ATP6V1B1: variants seen among roughly 807,000 people sequenced by gnomAD.
ATP6V1B1 encodes V-type proton ATPase subunit B, kidney isoform.
Under a neutral mutation model 62.1 loss-of-function variants are expected in ATP6V1B1, and 41 were observed. The ratio of observed to expected loss-of-function variants is 0.66; its 90% CI spans 0.51 to 0.86. The LOEUF (loss-of-function observed/expected upper bound fraction) is 0.86, where lower values mean the gene tolerates loss of function less well. ATP6V1B1 is among the 40% of genes least tolerant of loss of function. The pLI is 0.00. For synonymous variants in ATP6V1B1, 253 were observed against 273.4 expected (o/e 0.93, Z 0.74); for missense variants, 651 against 697.5 (o/e 0.93, Z 0.75).
At chr2:70,955,063 A>G (rs1680402192) in intron 2 of ATP6V1B1, among the ~76,000 whole-genome samples, 1 of 152,218 alleles carries the variant, frequency 6.6e-6, no homozygotes, top group Non-Finnish European at 1.5e-5. Context: ...GAGCGTGCAC[A>G]GACAGCAGAG....
intron 2 of ATP6V1B1, chr2:70,957,668 T>C (rs377005532): frequency 1.4e-5 from 5 of 346,754 alleles, no homozygotes; most frequent in East Asian, 1.5e-4. Flanking sequence ...ATATGTTATC[T>C]CATTTCCTCC....
chr2:70,959,023 GT>G lies in ATP6V1B1; in HGVS notation c.377del (p.Phe126SerfsTer38). The G allele has an allele frequency of 6.2e-7, 1 of 1,614,126 alleles. No homozygotes were observed. ...CACTCCTCGTCCACCCTCAGGTCGGGTTTTCAATGGCTCCGGCAAGCCCATT... is the reference window on the plus strand; with the variant it reads ...CACTCCTCGTCCACCCTCAGGTCGGGTTTCAATGGCTCCGGCAAGCCCATT... ...TPVSEDMLGR[V>X]FNGSGKPIDK... is the part of the protein sequence containing the mutation. On this transcript the variant is annotated frameshift_variant, in exon 5 of 14. Transcript: ENST00000234396. LOFTEE classifies it high-confidence loss of function. This position sits in a 1 kb window ranked among gnomAD's most constrained non-coding sequence, Gnocchi z 4.2.
At chr2:70,943,473 C>T in intron 1 of ATP6V1B1, 185 bp from the exon 2 acceptor site, 1 of 722,080 alleles carries the variant, frequency 1.4e-6, no homozygotes, top group Non-Finnish European at 2.5e-6. Flanking sequence ...GCAGCAGGGG[C>T]CCTGCGGGCA....
At chr2:70,936,566 C>T (rs1318066294) in intron 1 of ATP6V1B1, among the ~76,000 whole-genome samples, 2 of 151,824 alleles carry the variant, frequency 1.3e-5, no homozygotes, top group South Asian at 2.1e-4. Context: ...GGGTGCATGT[C>T]GTATGTGTGT....
At chr2:70,940,197 TG>T (rs1679958208) in intron 1 of ATP6V1B1, 1 of 216,936 alleles carries the variant, frequency 4.6e-6, no homozygotes, top group Non-Finnish European at 7.9e-6. Flanking sequence ...TCAGGGCTAA[TG>T]GGGATTCTAC....
chr2:70,952,041 A>G (rs1396272350), intron 2 of ATP6V1B1, among the ~76,000 whole-genome samples: 1 of 152,204 alleles, frequency 6.6e-6, no homozygotes, highest in Non-Finnish European at 1.5e-5. Context: ...TCTGTTACTG[A>G]TTTTCATTGG....
At position 70,959,126 on chromosome 2, in the gene ATP6V1B1, G is replaced by C; in HGVS notation, c.445+31G>C. 6.2e-7 allele frequency: 1 copy of C among 1,609,000 alleles called. No homozygotes were observed. Among genetic ancestry groups the C allele is most frequent in the Non-Finnish European group, 8.5e-7 (1 of 1,175,498 alleles). Reference sequence around the variant, plus strand: ...TGACTGGAGGTTCTGGATGGCTTCGGGACCCAGCCCTAACACCTTCCCCAC... The same window carrying C: ...TGACTGGAGGTTCTGGATGGCTTCGCGACCCAGCCCTAACACCTTCCCCAC... On this transcript the variant is annotated intron_variant, in intron 5 of 13. Transcript: ENST00000234396. The surrounding 1 kb of genome is among the most constrained non-coding windows in gnomAD (Gnocchi z 4.2).
At position 70,961,709 on chromosome 2, in the gene ATP6V1B1, T is replaced by G; in HGVS notation, c.785+16T>G. ...ATGACCCCACGTGAGCTTTCCCTGATGCCCAAACTGCCCTCAGGTGGGCAG... is the reference window on the plus strand; with the variant it reads ...ATGACCCCACGTGAGCTTTCCCTGAGGCCCAAACTGCCCTCAGGTGGGCAG... On this transcript the variant is annotated intron_variant, in intron 8 of 13. Coordinates refer to ENST00000234396, the MANE Select transcript of ATP6V1B1 (RefSeq NM_001692.4). 1 of 1,612,432 alleles carries G rather than the reference T, an allele frequency of 6.2e-7. No individual in the cohort carries two copies. The highest frequency in any genetic ancestry group is 8.5e-7 in the Non-Finnish European group (1 of 1,178,440).
intron 4 of ATP6V1B1, 101 bp from the exon 5 acceptor site, chr2:70,958,917 G>A: frequency 1.7e-6 from 2 of 1,161,322 alleles, no homozygotes; most frequent in Admixed American, 1.9e-5. Flanking sequence ...GGGCACTCCT[G>A]TGGGGAGTGG....
chr2:70,958,414 G>A lies in ATP6V1B1; in HGVS notation c.355G>A (p.Glu119Lys), dbSNP rs781825701. The A allele has an allele frequency of 1.2e-6, 2 of 1,613,252 alleles. No homozygotes were observed. The highest frequency in any genetic ancestry group is 1.7e-6 in the Non-Finnish European group (2 of 1,179,404). Residue 119 changes from glutamate (E) to lysine (K), a missense_variant, in exon 4 of 14, where the codon GAG (glutamate) becomes AAG (lysine). Physicochemically the swap from Glu to Lys is moderately conservative, Grantham distance 56. Coordinates refer to ENST00000234396, the MANE Select transcript of ATP6V1B1 (RefSeq NM_001692.4). ...TGDILRTPVS[E>K]DMLGRVFNGS... ...GGACATCCTACGAACTCCGGTGTCA[G>A]AGGACATGCTGGGTGAGGGACAGGG...
Position 70,942,024 on chromosome 2 carries a change from G to A in ATP6V1B1, c.119-1634G>A, listed in dbSNP as rs58400231. 6.0e-3 allele frequency: 6,576 copies of A among 1,090,508 alleles called. 185 individuals carry two copies. The African/African-American group carries it at 0.071, about 12-fold the overall frequency. The allele number at this position is 1,090,508 out of a possible 1,614,324, so 67.6% of individuals were successfully genotyped here. ...AACTGGAGAAGGACTGGGACTGAGC[G>A]AGGTTTATTTTGTACTGGAAACATC... On this transcript the variant is annotated intron_variant, in intron 1 of 13. Coordinates refer to ENST00000234396, the MANE Select transcript of ATP6V1B1 (RefSeq NM_001692.4).
intron 2 of ATP6V1B1, among the ~76,000 whole-genome samples, chr2:70,953,585 G>C (rs1321061875): frequency 6.6e-6 from 1 of 151,916 alleles, no homozygotes; most frequent in African/African-American, 2.4e-5. Flanking sequence ...TTATAACTTG[G>C]TCTTTTTTAT....
At position 70,959,054 on chromosome 2, in the gene ATP6V1B1, AG is replaced by A; in HGVS notation, c.408del (p.Pro137GlnfsTer27). On this transcript the variant is annotated frameshift_variant, in exon 5 of 14. Transcript: ENST00000234396. LOFTEE classifies it high-confidence loss of function. The surrounding 1 kb of genome is among the most constrained non-coding windows in gnomAD (Gnocchi z 4.2). Reference sequence around the variant, plus strand: ...AATGGCTCCGGCAAGCCCATTGACAAGGGGCCAGTGGTCATGGCGGAGGACT... The same window carrying A: ...AATGGCTCCGGCAAGCCCATTGACAAGGGCCAGTGGTCATGGCGGAGGACT... ...VFNGSGKPID[K>X]GPVVMAEDFL... The A allele has an allele frequency of 1.9e-6, 3 of 1,614,130 alleles. No individual in the cohort carries two copies. Among genetic ancestry groups the A allele is most frequent in the Non-Finnish European group, 2.5e-6 (3 of 1,180,026 alleles).
rs200141211 is a variant in ATP6V1B1, at chr2:70,952,965, GGTTT to G, written c.175-5064_175-5061del. On this transcript the variant is annotated intron_variant, in intron 2 of 13. Coordinates refer to ENST00000234396, the MANE Select transcript of ATP6V1B1 (RefSeq NM_001692.4). The stretch of plus-strand genomic sequence containing the variant: ...CATTGAATATCATATTTTTCTGTAG[GGTTT>G]GTTTGTTTGTTTGTTTTTTGTTGAG... Among the ~76,000 whole-genome samples, 1,304 of 152,068 alleles carry G rather than the reference GGTTT, an allele frequency of 8.6e-3. 25 individuals carry two copies. Among genetic ancestry groups the G allele is most frequent in the African/African-American group, 0.029 (1,207 of 41,476 alleles).
chr2:70,939,080 G>A (rs1403387311), intron 1 of ATP6V1B1, among the ~76,000 whole-genome samples: 1 of 152,228 alleles, frequency 6.6e-6, no homozygotes, highest in Non-Finnish European at 1.5e-5. Context: ...CTGCTGCCCC[G>A]GGCTTGCCCC....
intron 1 of ATP6V1B1, chr2:70,940,965 G>A (rs1255776036): frequency 4.1e-5 from 37 of 898,364 alleles, no homozygotes; most frequent in South Asian, 2.1e-4. Context: ...CCAGGCTGGA[G>A]TGCAATAATA....
At chr2:70,952,640 T>C (rs1448378705) in intron 2 of ATP6V1B1, among the ~76,000 whole-genome samples, 10 of 152,178 alleles carry the variant, frequency 6.6e-5, no homozygotes, top group African/African-American at 2.4e-4. Flanking sequence ...TAGTCTTGCA[T>C]TCTTGGATTA....
At chr2:70,955,821 A>G (rs1680419832) in intron 2 of ATP6V1B1, 1 of 152,596 alleles carries the variant, frequency 6.6e-6, no homozygotes, top group Admixed American at 6.5e-5. Flanking sequence ...AACACACTAT[A>G]TATGAAAAAA....
At chr2:70,936,704 G>A (rs1679862075) in intron 1 of ATP6V1B1, among the ~76,000 whole-genome samples, 1 of 152,166 alleles carries the variant, frequency 6.6e-6, no homozygotes, top group Non-Finnish European at 1.5e-5. Flanking sequence ...GTGTGTGTGT[G>A]CACTTAGGTG....
Sources: gnomAD v4.1 joint callset for allele counts (sites outside exome capture counted in the v4.1 genomes callset) on GRCh38, gnomAD v4.1.1 for gene constraint, Gnocchi (gnomAD v3.1) non-coding constraint, MANE v1.5 for transcripts, NCBI Gene and HGNC (gene_info 2026-07-23, HGNC 2026-07-21) for gene names.